The following PHTF2 variants were observed in gnomAD, a reference collection of about 807,000 sequenced individuals.
The protein encoded by PHTF2 is putative homeodomain transcription factor 2, also known as protein PHTF2.
Under a neutral mutation model 101.2 loss-of-function variants are expected in PHTF2, and 60 were observed. That is an observed-to-expected ratio of 0.59 (90% CI 0.48 to 0.73). The LOEUF (loss-of-function observed/expected upper bound fraction) is 0.73, where lower values mean the gene tolerates loss of function less well. PHTF2 is among the 30% of genes least tolerant of loss of function. PHTF2 has a pLI of 0.00. For missense variants in PHTF2, 747 were observed against 908.7 expected, an observed-to-expected ratio of 0.82 and a Z score of 2.29; for synonymous variants, 311 against 307.3, an observed-to-expected ratio of 1.01 and a Z score of -0.13.
At chr7:77,952,885 A>G (rs1806674332) in intron 18 of PHTF2, among the ~76,000 whole-genome samples, 1 of 152,126 alleles carries the variant, frequency 6.6e-6, no homozygotes, top group Admixed American at 6.5e-5. Flanking sequence ...TCTTTTAAAT[A>G]TCTTCCAATT....
At chr7:77,888,860 T>TAA (rs5885033) in intron 3 of PHTF2, among the ~76,000 whole-genome samples, 6 of 146,274 alleles carry the variant, frequency 4.1e-5, no homozygotes, top group Admixed American at 6.8e-5. Context: ...CTCAACAAAT[T>TAA]AAAAAAAAAA....
chr7:77,836,397 A>T (rs1049000409), intron 1 of PHTF2, among the ~76,000 whole-genome samples: 1 of 152,128 alleles, frequency 6.6e-6, no homozygotes, highest in Non-Finnish European at 1.5e-5. Flanking sequence ...ATGTTGTTCA[A>T]CTGTATTTGA....
chr7:77,939,915 A>G, intron 13 of PHTF2, 115 bp from the exon 13 acceptor site: 1 of 735,420 alleles, frequency 1.4e-6, no homozygotes, highest in Non-Finnish European at 2.1e-6. Flanking sequence ...CAAATTACTC[A>G]GAATGAGTAT....
chr7:77,881,165 A>G (rs777131110), intron 3 of PHTF2, among the ~76,000 whole-genome samples: 5 of 152,208 alleles, frequency 3.3e-5, no homozygotes, highest in Non-Finnish European at 7.3e-5. Flanking sequence ...TTTAACTGCC[A>G]TAACCACTTC....
intron 1 of PHTF2, among the ~76,000 whole-genome samples, chr7:77,829,301 TATC>T (rs1794910836): frequency 6.6e-6 from 1 of 152,236 alleles, no homozygotes; most frequent in Non-Finnish European, 1.5e-5. Flanking sequence ...TTAGATTATG[TATC>T]ATCTTCTAGC....
chr7:77,928,395 T>C (rs1386588369), intron 11 of PHTF2, among the ~76,000 whole-genome samples: 1 of 152,130 alleles, frequency 6.6e-6, no homozygotes, highest in Non-Finnish European at 1.5e-5. Context: ...AGAACATGAG[T>C]TGGCAGTTAC....
At chr7:77,821,376 C>G (rs1763634433) in intron 1 of PHTF2, among the ~76,000 whole-genome samples, 1 of 152,194 alleles carries the variant, frequency 6.6e-6, no homozygotes, top group South Asian at 2.1e-4. Flanking sequence ...ATGTCCATCT[C>G]TCTCCCAATA....
chr7:77,931,428 A>G (rs1273083122), intron 12 of PHTF2, among the ~76,000 whole-genome samples: 1 of 152,240 alleles, frequency 6.6e-6, no homozygotes, highest in African/African-American at 2.4e-5. Context: ...ATAGAAAAAT[A>G]AAAGGATGTG....
intron 2 of PHTF2, among the ~76,000 whole-genome samples, chr7:77,849,943 A>G (rs1796604432): frequency 6.6e-6 from 1 of 152,190 alleles, no homozygotes; most frequent in Non-Finnish European, 1.5e-5. Context: ...AGATCATATC[A>G]TCTGTAAACA....
intron 1 of PHTF2, among the ~76,000 whole-genome samples, chr7:77,805,111 A>G (rs1387142514): frequency 1.3e-5 from 2 of 152,220 alleles, no homozygotes; most frequent in Admixed American, 6.5e-5. Flanking sequence ...ATAAAGACTT[A>G]ACTCAGTTTA....
intron 3 of PHTF2, among the ~76,000 whole-genome samples, chr7:77,872,167 C>G (rs889954987): frequency 1.3e-4 from 20 of 152,162 alleles, no homozygotes; most frequent in African/African-American, 3.9e-4. Flanking sequence ...TGAGCCCATG[C>G]GTAACCTCCA....
At chr7:77,810,786 C>T (rs959492396) in intron 1 of PHTF2, among the ~76,000 whole-genome samples, 1 of 152,130 alleles carries the variant, frequency 6.6e-6, no homozygotes, top group Non-Finnish European at 1.5e-5. Flanking sequence ...GATCCACCCA[C>T]CTTGGCCTCC....
chr7:77,828,408 T>C (rs995924449), intron 1 of PHTF2, among the ~76,000 whole-genome samples: 11 of 152,168 alleles, frequency 7.2e-5, no homozygotes, highest in African/African-American at 1.2e-4. Context: ...AATAGTAATA[T>C]TGAAGTTAAG....
chr7:77,911,169 T>C (rs1201609812), intron 9 of PHTF2, among the ~76,000 whole-genome samples: 1 of 150,408 alleles, frequency 6.6e-6, no homozygotes, highest in Admixed American at 6.7e-5. Flanking sequence ...CATGAGCATT[T>C]GTGTACTATA....
chr7:77,804,873 C>T (rs971416380), intron 1 of PHTF2, among the ~76,000 whole-genome samples: 5 of 152,182 alleles, frequency 3.3e-5, no homozygotes, highest in African/African-American at 9.7e-5. Flanking sequence ...TAGCCTTATA[C>T]GAATCAGTTC....
chr7:77,854,834 G>A, exon 3 of PHTF2: 1 of 757,800 alleles, frequency 1.3e-6, no homozygotes, highest in Non-Finnish European at 2.4e-6. Context: ...TTCAGTGTTT[G>A]GTGAGTAATG....
intron 12 of PHTF2, among the ~76,000 whole-genome samples, chr7:77,930,048 G>A (rs2150944550): frequency 6.7e-6 from 1 of 148,890 alleles, no homozygotes; most frequent in South Asian, 2.1e-4. Context: ...TCGCCTCCCA[G>A]GTTCCAGCGA....
intron 3 of PHTF2, among the ~76,000 whole-genome samples, chr7:77,861,191 A>C (rs1486186278): frequency 6.6e-6 from 1 of 151,700 alleles, no homozygotes; most frequent in Non-Finnish European, 1.5e-5. Context: ...TTTCTAACAC[A>C]ATTTTTTCCT....
chr7:77,893,164 T>TG (rs896603671), intron 3 of PHTF2, among the ~76,000 whole-genome samples: 3 of 152,156 alleles, frequency 2.0e-5, no homozygotes, highest in African/African-American at 7.2e-5. Context: ...ACTCATGACT[T>TG]GGGGGTTTGG....
Sources: gnomAD v4.1 joint callset for allele counts (sites outside exome capture counted in the v4.1 genomes callset) on GRCh38, gnomAD v4.1.1 for gene constraint, MANE v1.5 for transcripts, NCBI Gene and HGNC (gene_info 2026-07-23, HGNC 2026-07-21) for gene names.